CSMD1: variants seen among roughly 807,000 people sequenced by gnomAD.
The protein encoded by CSMD1 is CUB and Sushi multiple domains 1.
In CSMD1, 213 loss-of-function variants were observed where a neutral mutation model predicts 417.5. The ratio of observed to expected loss-of-function variants is 0.51; its 90% confidence interval spans 0.46 to 0.57. The LOEUF (loss-of-function observed/expected upper bound fraction) is 0.57, where lower values mean the gene tolerates loss of function less well. Among genes scored for constraint, CSMD1 ranks in the 20% least tolerant of loss-of-function variants. The pLI is 0.00. For missense variants in CSMD1, 6,923 were observed against 4,529.7 expected, an observed-to-expected ratio of 1.53 and a Z score of -15.17; for synonymous variants, 2,862 against 1,736.8, an observed-to-expected ratio of 1.65 and a Z score of -16.11.
At chr8:4,526,282 A>G (rs1355853495) in intron 2 of CSMD1, among the ~76,000 whole-genome samples, 1 of 152,170 alleles carries the variant, frequency 6.6e-6, no homozygotes, top group Non-Finnish European at 1.5e-5. Context: ...TGCAATTACC[A>G]AGCTCTACAT....
intron 5 of CSMD1, among the ~76,000 whole-genome samples, chr8:3,817,260 T>C (rs1801434362): frequency 4.2e-5 from 1 of 23,538 alleles, no homozygotes; most frequent in African/African-American, 3.5e-4. Flanking sequence ...TTCTTTTTTT[T>C]TTTTTTTTTT....
intron 5 of CSMD1, among the ~76,000 whole-genome samples, chr8:3,755,291 A>G (rs1032845724): frequency 1.3e-5 from 2 of 152,204 alleles, no homozygotes; most frequent in African/African-American, 2.4e-5. Flanking sequence ...TCTGTTACCC[A>G]TTGTATAAAC....
intron 2 of CSMD1, among the ~76,000 whole-genome samples, chr8:4,499,470 G>C (rs1802143760): frequency 6.6e-6 from 1 of 152,174 alleles, no homozygotes; most frequent in African/African-American, 2.4e-5. Flanking sequence ...GATTCTGAAG[G>C]TCCTGCTTGG....
chr8:3,809,049 T>G (rs1800912654), intron 5 of CSMD1, among the ~76,000 whole-genome samples: 1 of 152,148 alleles, frequency 6.6e-6, no homozygotes. Flanking sequence ...CACTTAGCTT[T>G]CCAACAGCCC....
intron 5 of CSMD1, among the ~76,000 whole-genome samples, chr8:3,828,280 A>G (rs778166865): frequency 1.3e-5 from 2 of 152,172 alleles, no homozygotes; most frequent in African/African-American, 4.8e-5. Flanking sequence ...GCTCTTCCGA[A>G]CATGCTTATT....
chr8:4,237,080 A>G lies in CSMD1; in HGVS notation c.415+182873T>C, dbSNP rs192373750. The stretch of plus-strand genomic sequence containing the variant: ...CAACCTCCTTATGATTACGCCTACA[A>G]TTTTATTCTTCACTCACTATCCTCC... On this transcript the variant is annotated intron_variant, in intron 3 of 69. Transcript: ENST00000635120. Among the ~76,000 whole-genome samples, 13 of 152,282 alleles carry G rather than the reference A, an allele frequency of 8.5e-5. No individual in the cohort carries two copies. The East Asian group carries it at 2.3e-3, about 27-fold the overall frequency.
chr8:3,971,168 T>C lies in CSMD1; in HGVS notation c.818+26735A>G, dbSNP rs181379220. Among the ~76,000 whole-genome samples the C allele has an allele frequency of 3.0e-3, 462 of 152,254 alleles. 2 individuals carry two copies. Among genetic ancestry groups the C allele is most frequent in the African/African-American group, 0.01 (420 of 41,532 alleles). Reference sequence around the variant, plus strand: ...ATTCTATTTACGCTGCCTCCTGGCATGATGGAGGGAAGCAACACCAAATGT... The same window carrying C: ...ATTCTATTTACGCTGCCTCCTGGCACGATGGAGGGAAGCAACACCAAATGT... On this transcript the variant is annotated intron_variant, in intron 5 of 69. Coordinates refer to ENST00000635120, the MANE Select transcript of CSMD1 (RefSeq NM_033225.6).
At chr8:4,423,888 T>C (rs1440878453) in intron 2 of CSMD1, among the ~76,000 whole-genome samples, 6 of 151,992 alleles carry the variant, frequency 3.9e-5, no homozygotes, top group Non-Finnish European at 2.9e-5. Context: ...TGTCAATGGA[T>C]CAGAACAAAG....
chr8:4,810,266 C>A (rs916650884), intron 1 of CSMD1, among the ~76,000 whole-genome samples: 1 of 152,120 alleles, frequency 6.6e-6, no homozygotes, highest in Non-Finnish European at 1.5e-5. Context: ...AATGATTTAC[C>A]TAATAAAATT....
At chr8:3,884,768 C>A (rs1563176718) in intron 5 of CSMD1, among the ~76,000 whole-genome samples, 1 of 151,896 alleles carries the variant, frequency 6.6e-6, no homozygotes, top group Non-Finnish European at 1.5e-5. Flanking sequence ...GATTCTAATC[C>A]CAATAGTATT....
At chr8:4,204,568 G>A (rs760799635) in intron 3 of CSMD1, among the ~76,000 whole-genome samples, 2 of 152,134 alleles carry the variant, frequency 1.3e-5, no homozygotes, top group Non-Finnish European at 2.9e-5. Context: ...TTTCTATACT[G>A]AGAGGAAGAT....
chr8:4,064,896 G>C (rs1285677906), intron 3 of CSMD1, among the ~76,000 whole-genome samples: 2 of 151,178 alleles, frequency 1.3e-5, no homozygotes, highest in East Asian at 4.0e-4. Flanking sequence ...TCCTCACAAA[G>C]TGGTCAATTC....
chr8:3,153,354 T>A (rs1349884653), intron 39 of CSMD1, among the ~76,000 whole-genome samples: 1 of 152,228 alleles, frequency 6.6e-6, no homozygotes, highest in East Asian at 1.9e-4. Flanking sequence ...GGGGCTGCTC[T>A]GTCTATGGAG....
intron 2 of CSMD1, among the ~76,000 whole-genome samples, chr8:4,458,799 T>C (rs1799639045): frequency 6.6e-6 from 1 of 152,162 alleles, no homozygotes; most frequent in Non-Finnish European, 1.5e-5. Context: ...ATTTAATTTT[T>C]TTTAACAACT....
chr8:3,870,339 T>A (rs1805394977), intron 5 of CSMD1, among the ~76,000 whole-genome samples: 1 of 152,208 alleles, frequency 6.6e-6, no homozygotes, highest in Non-Finnish European at 1.5e-5. Flanking sequence ...TATGATGATT[T>A]GTAGCACATA....
At chr8:4,389,764 C>G (rs915343459) in intron 3 of CSMD1, among the ~76,000 whole-genome samples, 2 of 151,998 alleles carry the variant, frequency 1.3e-5, no homozygotes, top group African/African-American at 4.8e-5. Flanking sequence ...TTGTTTGCTT[C>G]TTTATTTTTG....
chr8:3,250,772 A>G (rs377329745), intron 26 of CSMD1, among the ~76,000 whole-genome samples: 22 of 152,080 alleles, frequency 1.4e-4, no homozygotes, highest in African/African-American at 4.1e-4. Flanking sequence ...GTGTGAGACG[A>G]TATCTCATTG....
intron 2 of CSMD1, among the ~76,000 whole-genome samples, chr8:4,519,208 GA>G (rs1328705812): frequency 6.6e-6 from 1 of 151,992 alleles, no homozygotes; most frequent in African/African-American, 2.4e-5. Context: ...GATCTTTGAA[GA>G]ACAGGAATGA....
chr8:4,477,517 G>A (rs1408259706), intron 2 of CSMD1, among the ~76,000 whole-genome samples: 2 of 152,142 alleles, frequency 1.3e-5, no homozygotes, highest in African/African-American at 2.4e-5. Context: ...GAGTGGCCTG[G>A]CATTTTCACA....
Sources: allele counts gnomAD v4.1 joint callset (sites outside exome capture counted in the v4.1 genomes callset), GRCh38; gene constraint gnomAD v4.1.1; transcripts MANE v1.5; gene names NCBI Gene and HGNC (gene_info 2026-07-23, HGNC 2026-07-21).